Variants in CELF2 observed in about 807,000 individuals in gnomAD.
The protein encoded by CELF2 is CUG triplet repeat RNA-binding protein 2.
A neutral mutation model predicts 62.6 loss-of-function variants in CELF2; 8 were observed. That is an observed-to-expected ratio of 0.13 (90% CI 0.07 to 0.23). CELF2 has a LOEUF of 0.23. Ranked by LOEUF, CELF2 falls within the 10% of genes least tolerant of loss-of-function variation. The pLI is 1.00. For synonymous variants in CELF2, 258 were observed against 250.0 expected, an observed-to-expected ratio of 1.03 and a Z score of -0.30; for missense variants, 333 against 671.0, an observed-to-expected ratio of 0.50 and a Z score of 5.56.
intron 1 of CELF2, among the ~76,000 whole-genome samples, chr10:11,154,932 C>T (rs746901399): frequency 6.6e-6 from 1 of 152,280 alleles, no homozygotes; most frequent in South Asian, 2.1e-4. Flanking sequence ...TCAGCATTAA[C>T]CCAAACAAAG....
chr10:10,832,734 C>G (rs1420688502), intron 1 of CELF2, among the ~76,000 whole-genome samples: 1 of 152,136 alleles, frequency 6.6e-6, no homozygotes, highest in East Asian at 1.9e-4. Context: ...CTCAAAGTTG[C>G]TTCTCCCTTC....
chr10:10,741,546 C>A, the CELF2 span, among the ~76,000 whole-genome samples: 1 of 147,910 alleles, frequency 6.8e-6, no homozygotes, highest in Non-Finnish European at 1.5e-5. Flanking sequence ...GAATACTCAT[C>A]GGTTGTTTTG....
intron 8 of CELF2, among the ~76,000 whole-genome samples, chr10:11,278,059 A>G (rs2086796589): frequency 6.6e-6 from 1 of 152,274 alleles, no homozygotes; most frequent in Non-Finnish European, 1.5e-5. Context: ...AGAGTCTAAA[A>G]TGCCACATTT....
At chr10:11,105,839 C>A (rs942252676) in intron 1 of CELF2, among the ~76,000 whole-genome samples, 5 of 152,180 alleles carry the variant, frequency 3.3e-5, no homozygotes, top group Non-Finnish European at 4.4e-5. Flanking sequence ...CTCCAGTCTC[C>A]ACTACTCCCT....
intron 8 of CELF2, among the ~76,000 whole-genome samples, chr10:11,276,225 AG>A (rs961006618): frequency 1.2e-4 from 18 of 152,128 alleles, no homozygotes; most frequent in Admixed American, 3.3e-4. Flanking sequence ...TGTGATCGGC[AG>A]CCCCGCCGTT....
intron 1 of CELF2, among the ~76,000 whole-genome samples, chr10:10,901,611 C>A (rs1320851390): frequency 6.6e-6 from 1 of 152,128 alleles, no homozygotes; most frequent in Non-Finnish European, 1.5e-5. Flanking sequence ...GCAAAGAGTT[C>A]CTAAATACAG....
chr10:10,761,365 C>A, the CELF2 span, among the ~76,000 whole-genome samples: 1 of 152,024 alleles, frequency 6.6e-6, no homozygotes, highest in African/African-American at 2.4e-5. Context: ...ATTTGAGGGA[C>A]CTGTGAGAAA....
the CELF2 span, among the ~76,000 whole-genome samples, chr10:10,701,830 G>A: frequency 1.3e-5 from 2 of 152,178 alleles, no homozygotes; most frequent in Non-Finnish European, 2.9e-5. Flanking sequence ...TCGTGCTGCA[G>A]TTTTCCTCTA....
intron 9 of CELF2, among the ~76,000 whole-genome samples, chr10:11,292,815 C>T (rs1032946938): frequency 1.3e-5 from 2 of 152,194 alleles, no homozygotes; most frequent in African/African-American, 4.8e-5. Context: ...GTGACTTGGT[C>T]GCTGATCTTT....
chr10:11,212,308 A>T (rs2062049296), intron 2 of CELF2, among the ~76,000 whole-genome samples: 1 of 151,950 alleles, frequency 6.6e-6, no homozygotes, highest in African/African-American at 2.4e-5. Context: ...TTGCTGCTTC[A>T]TGGCTGCCCC....
At chr10:11,081,512 A>G (rs1359931925) in intron 1 of CELF2, among the ~76,000 whole-genome samples, 5 of 152,212 alleles carry the variant, frequency 3.3e-5, no homozygotes, top group African/African-American at 4.8e-5. Flanking sequence ...TGGAAATTCT[A>G]CTTGAGGAGC....
the CELF2 span, among the ~76,000 whole-genome samples, chr10:10,670,729 G>T: frequency 6.6e-6 from 1 of 152,132 alleles, no homozygotes; most frequent in Non-Finnish European, 1.5e-5. Flanking sequence ...CTAAAAATCT[G>T]TGATCTGCCT....
chr10:11,277,860 C>A (rs2139041311), intron 8 of CELF2, among the ~76,000 whole-genome samples: 1 of 152,196 alleles, frequency 6.6e-6, no homozygotes, highest in Admixed American at 6.5e-5. Context: ...GTAGAGGGGG[C>A]ACATAAACAA....
At chr10:11,155,047 T>C (rs1319902132) in intron 1 of CELF2, among the ~76,000 whole-genome samples, 1 of 152,184 alleles carries the variant, frequency 6.6e-6, no homozygotes, top group African/African-American at 2.4e-5. Flanking sequence ...CAGAGTAACA[T>C]CTCAGCTCAT....
chr10:10,547,585 G>A, the CELF2 span, among the ~76,000 whole-genome samples: 24 of 152,000 alleles, frequency 1.6e-4, no homozygotes, highest in Admixed American at 1.4e-3. Flanking sequence ...ACCCTCATGT[G>A]AGCCACTTGG....
intron 2 of CELF2, among the ~76,000 whole-genome samples, chr10:10,923,536 T>G (rs1042396420): frequency 6.6e-6 from 1 of 152,224 alleles, no homozygotes; most frequent in Non-Finnish European, 1.5e-5. Context: ...AAATGAGATA[T>G]GTGCCCAAGG....
chr10:10,796,478 G>T (rs2054147099), upstream of CELF2, among the ~76,000 whole-genome samples: 1 of 152,170 alleles, frequency 6.6e-6, no homozygotes, highest in African/African-American at 2.4e-5. Context: ...ACAAAAATGG[G>T]TTTGTCCTTT....
chr10:11,269,919 G>T lies in CELF2; in HGVS notation c.619-747G>T, dbSNP rs528282985. Among the ~76,000 whole-genome samples, 1 of 152,304 alleles carries T rather than the reference G, an allele frequency of 6.6e-6. No homozygotes were observed. Among genetic ancestry groups the T allele is most frequent in the South Asian group, 2.1e-4 (1 of 4,820 alleles). ...ATTCATTAGGGAAAGAAGCCAAGTG[G>T]ACTCCTCCGTCTGCTGTTCACGGTC... On this transcript the variant is annotated intron_variant, in intron 6 of 12. Transcript: ENST00000633077. The surrounding 1 kb of genome is among the most constrained non-coding windows in gnomAD (Gnocchi z 4.4).
chr10:10,850,064 G>T (rs568201781), intron 1 of CELF2, among the ~76,000 whole-genome samples: 6 of 151,982 alleles, frequency 3.9e-5, no homozygotes, highest in African/African-American at 1.2e-4. Flanking sequence ...AAGGAATATC[G>T]CTTGAACCTG....
Sources: allele counts gnomAD v4.1 joint callset (sites outside exome capture counted in the v4.1 genomes callset), GRCh38; gene constraint gnomAD v4.1.1; non-coding constraint Gnocchi (gnomAD v3.1); transcripts MANE v1.5; gene names NCBI Gene and HGNC (gene_info 2026-07-23, HGNC 2026-07-21).